MCF2L2: variants seen among roughly 807,000 people sequenced by gnomAD.
MCF2L2 encodes the protein MCF.2 cell line derived transforming sequence-like 2, also known as probable guanine nucleotide exchange factor MCF2L2.
Under a neutral mutation model 150.2 loss-of-function variants are expected in MCF2L2, and 102 were observed. That is an observed-to-expected ratio of 0.68 (90% CI 0.58 to 0.80). MCF2L2 has a LOEUF of 0.80. MCF2L2 is among the 30% of genes least tolerant of loss of function. The pLI is 0.00. For missense variants in MCF2L2, 1,256 were observed against 1,372.8 expected, an observed-to-expected ratio of 0.91 and a Z score of 1.34; for synonymous variants, 465 against 491.3, an observed-to-expected ratio of 0.95 and a Z score of 0.71.
At chr3:183,361,661 T>C (rs907974146) in intron 3 of MCF2L2, among the ~76,000 whole-genome samples, 2 of 152,208 alleles carry the variant, frequency 1.3e-5, no homozygotes, top group Non-Finnish European at 2.9e-5. Flanking sequence ...TCTTCATAAA[T>C]TAACCAGTCT....
chr3:183,371,438 T>C (rs1375675412), intron 3 of MCF2L2, among the ~76,000 whole-genome samples: 1 of 150,676 alleles, frequency 6.6e-6, no homozygotes, highest in African/African-American at 2.4e-5. Flanking sequence ...AGACAAAAGG[T>C]TGCAGTCTTT....
At chr3:183,368,754 C>CAAACA (rs1712687067) in intron 3 of MCF2L2, among the ~76,000 whole-genome samples, 1 of 152,080 alleles carries the variant, frequency 6.6e-6, no homozygotes, top group South Asian at 2.1e-4. Flanking sequence ...ACAGAGCAAA[C>CAAACA]AAACAAAACA....
At chr3:183,317,894 TTC>T (rs1402288794) in intron 7 of MCF2L2, among the ~76,000 whole-genome samples, 172 bp downstream of exon 7, 1 of 152,184 alleles carries the variant, frequency 6.6e-6, no homozygotes, top group African/African-American at 2.4e-5. Flanking sequence ...CTCAAGAGAT[TTC>T]TTTCATTACA....
At position 183,427,843 on chromosome 3, in the gene MCF2L2, C is replaced by G. The variant is rs1043741944; in HGVS notation, c.76+59G>C. The G allele has an allele frequency of 8.9e-6, 13 of 1,464,370 alleles. No homozygotes were observed. In the African/African-American group the frequency reaches 1.7e-4, roughly 19 times the overall value. The allele number at this position is 1,464,370 out of a possible 1,614,324, so 90.7% of individuals were successfully genotyped here. A position where few individuals can be genotyped will look rare whatever the true frequency, so the allele number is the denominator to read the frequency against. On this transcript the variant is annotated intron_variant, in intron 1 of 29. Coordinates refer to ENST00000328913, the MANE Select transcript of MCF2L2 (RefSeq NM_015078.4). ...GGTGAGGCCAGGAGCCAGATGAAGC[C>G]CAGAGACCATCCTCACCCGCCATTA...
chr3:183,422,795 TCAAA>T (rs901778534), intron 1 of MCF2L2, among the ~76,000 whole-genome samples: 5 of 152,198 alleles, frequency 3.3e-5, no homozygotes, highest in African/African-American at 9.7e-5. Flanking sequence ...TGCATGCCCT[TCAAA>T]CAACTTCCAG....
rs111839697 is a variant in MCF2L2, at chr3:183,358,789, A to AT, written c.276-17160dup. On this transcript the variant is annotated intron_variant, in intron 3 of 29. Coordinates refer to ENST00000328913, the MANE Select transcript of MCF2L2 (RefSeq NM_015078.4). ...GCATGTTCCACCACCTCCAGTTAAT[A>AT]TTTTTTTTTTATCTTTGTAGAGACA... is the stretch of plus-strand genomic sequence containing the variant. Among the ~76,000 whole-genome samples, 24 of 149,590 alleles carry AT rather than the reference A, an allele frequency of 1.6e-4. No individual in the cohort carries two copies. In the East Asian group the frequency reaches 2.9e-3, roughly 18 times the overall value.
chr3:183,300,833 G>A (rs112860009), intron 10 of MCF2L2, among the ~76,000 whole-genome samples: 11,576 of 151,680 alleles, frequency 0.076, 1,108 homozygotes, highest in African/African-American at 0.22. Context: ...CCTGACCAAC[G>A]TGGAAAAACC....
chr3:183,186,847 C>A lies in MCF2L2; in HGVS notation c.3016+6152G>T, dbSNP rs577643302. On this transcript the variant is annotated intron_variant, in intron 27 of 29. Transcript: ENST00000328913. ...TGTTGGGATTACAGGCATGAGCCAC[C>A]ACAACTGACCAAATCATGCATTTCT... Among the ~76,000 whole-genome samples the A allele has an allele frequency of 1.5e-3, 229 of 152,320 alleles. 1 individual carries two copies. The highest frequency in any genetic ancestry group is 5.1e-3 in the African/African-American group (214 of 41,572).
At chr3:183,422,454 G>A (rs1468883918) in intron 1 of MCF2L2, among the ~76,000 whole-genome samples, 2 of 152,148 alleles carry the variant, frequency 1.3e-5, no homozygotes, top group Non-Finnish European at 2.9e-5. Context: ...TGAGGGAGCT[G>A]GGGCAAAAGC....
chr3:183,353,426 G>A (rs963579165), intron 3 of MCF2L2, among the ~76,000 whole-genome samples: 3 of 152,152 alleles, frequency 2.0e-5, no homozygotes, highest in Non-Finnish European at 4.4e-5. Context: ...TTCCCGCACT[G>A]CTATAAAAAT....
At chr3:183,249,169 TGAGTAGGAGA>T (rs1392312058) in intron 15 of MCF2L2, among the ~76,000 whole-genome samples, 1 of 152,220 alleles carries the variant, frequency 6.6e-6, no homozygotes, top group Non-Finnish European at 1.5e-5. Flanking sequence ...TGTGCCCTCC[TGAGTAGGAGA>T]GAAAGAGCTG....
intron 15 of MCF2L2, among the ~76,000 whole-genome samples, chr3:183,233,052 A>G (rs985494874): frequency 2.0e-5 from 3 of 152,156 alleles, no homozygotes; most frequent in Non-Finnish European, 4.4e-5. Context: ...ATGCTCATCA[A>G]AAAATTATGG....
At chr3:183,207,463 G>T in intron 23 of MCF2L2, 145 bp downstream of exon 23, 2 of 651,468 alleles carry the variant, frequency 3.1e-6, no homozygotes, top group Non-Finnish European at 5.3e-6. Flanking sequence ...GACAGACCCG[G>T]CTATGGATTC....
chr3:183,384,906 G>A (rs1051009672), intron 2 of MCF2L2, among the ~76,000 whole-genome samples: 4 of 152,094 alleles, frequency 2.6e-5, no homozygotes, highest in East Asian at 1.9e-4. Context: ...GGATGGCAGA[G>A]GGCAATACAA....
rs939287635 is a variant in MCF2L2, at chr3:183,379,820, T to C, written c.161-409A>G. On this transcript the variant is annotated intron_variant, in intron 2 of 29. Coordinates refer to ENST00000328913, the MANE Select transcript of MCF2L2 (RefSeq NM_015078.4). The stretch of plus-strand genomic sequence containing the variant: ...CCTGGGTCAAATCTGCTTTGCCACA[T>C]TGTTGCTATATGATTTTTGGCAAGA... 2.0e-5 allele frequency among the ~76,000 whole-genome samples: 3 copies of C among 152,084 alleles called. No individual in the cohort carries two copies. In the South Asian group the frequency reaches 6.2e-4, roughly 31 times the overall value.
intron 22 of MCF2L2, among the ~76,000 whole-genome samples, chr3:183,214,862 G>A (rs1054237342): frequency 2.0e-5 from 3 of 151,990 alleles, no homozygotes; most frequent in Admixed American, 6.6e-5. Flanking sequence ...AGGTGTGGTG[G>A]CAAGTGCCTG....
At chr3:183,249,230 T>G (rs1276138123) in intron 15 of MCF2L2, among the ~76,000 whole-genome samples, 1 of 152,214 alleles carries the variant, frequency 6.6e-6, no homozygotes, top group Admixed American at 6.5e-5. Flanking sequence ...GAACCCTGTA[T>G]GCTTCCGGGA....
chr3:183,264,286 C>G (rs958597286), intron 15 of MCF2L2, among the ~76,000 whole-genome samples: 1 of 152,194 alleles, frequency 6.6e-6, no homozygotes, highest in Non-Finnish European at 1.5e-5. Context: ...AAATCCTAGT[C>G]GTCCTCAGGC....
chr3:183,283,086 C>G lies in MCF2L2; in HGVS notation c.1776+6034G>C, dbSNP rs536551949. Among the ~76,000 whole-genome samples the G allele has an allele frequency of 6.6e-6, 1 of 152,352 alleles. No homozygotes were observed. The highest frequency in any genetic ancestry group is 2.1e-4 in the South Asian group (1 of 4,820). ...CAAAACTATCTTTGGTATCATGCTTCCTCCCCCTACCTTCTCTGCCTTGAT... is the reference window on the plus strand; with the variant it reads ...CAAAACTATCTTTGGTATCATGCTTGCTCCCCCTACCTTCTCTGCCTTGAT... On this transcript the variant is annotated intron_variant, in intron 14 of 29. Coordinates refer to ENST00000328913, the MANE Select transcript of MCF2L2 (RefSeq NM_015078.4). This position sits in a 1 kb window ranked among gnomAD's most constrained non-coding sequence, Gnocchi z 4.2.
Sources: allele counts gnomAD v4.1 joint callset (sites outside exome capture counted in the v4.1 genomes callset), GRCh38; gene constraint gnomAD v4.1.1; non-coding constraint Gnocchi (gnomAD v3.1); transcripts MANE v1.5; gene names NCBI Gene and HGNC (gene_info 2026-07-23, HGNC 2026-07-21).